Variants in IL2RA observed in about 807,000 individuals in gnomAD.
IL2RA encodes the protein interleukin 2 receptor subunit alpha, also known as interleukin-2 receptor subunit alpha.
A neutral mutation model predicts 37.8 loss-of-function variants in IL2RA; 24 were observed. That is an observed-to-expected ratio of 0.63 (90% CI 0.46 to 0.89). The LOEUF is 0.89. IL2RA is among the 40% of genes least tolerant of loss of function. The pLI, the probability that IL2RA is intolerant of heterozygous loss-of-function variation, is 0.00. For missense variants in IL2RA, 319 were observed against 348.6 expected (o/e 0.92, Z 0.68); for synonymous variants, 125 against 114.6 (o/e 1.09, Z -0.58).
At chr10:6,061,379 C>CA (rs879453616) in intron 1 of IL2RA, among the ~76,000 whole-genome samples, 198 of 131,214 alleles carry the variant, frequency 1.5e-3, no homozygotes, top group African/African-American at 4.1e-3. Context: ...GAGACAGTGT[C>CA]AAAAAAAAAA....
intron 4 of IL2RA, 39 bp from the exon 5 acceptor site, chr10:6,019,980 C>T (rs778748821): frequency 7.7e-6 from 12 of 1,561,206 alleles, no homozygotes; most frequent in Non-Finnish European, 1.1e-5. Flanking sequence ...GAGCTAAACA[C>T]AGGAGTCAGG....
chr10:6,020,045 G>A lies in IL2RA; in HGVS notation c.584-104C>T. 2.1e-6 allele frequency: 2 copies of A among 947,016 alleles called. No homozygotes were observed. Among genetic ancestry groups the A allele is most frequent in the Non-Finnish European group, 3.4e-6 (2 of 583,744 alleles). 58.7% of individuals were successfully genotyped at this position (947,016 alleles called of 1,614,324 possible). On this transcript the variant is annotated intron_variant, in intron 4 of 7. Transcript: ENST00000379959. This position sits in a 1 kb window ranked among gnomAD's most constrained non-coding sequence, Gnocchi z 5.6. ...AGCCGGCCCCAGACACGCCCGAGGA[G>A]GCAGGAATCCTGGTGTGGGCACTTC...
intron 1 of IL2RA, among the ~76,000 whole-genome samples, chr10:6,037,637 G>A (rs1376502925): frequency 2.0e-5 from 3 of 152,186 alleles, no homozygotes; most frequent in African/African-American, 7.2e-5. Flanking sequence ...GCTCTAACGC[G>A]GTTCATCTTC....
chr10:6,024,405 A>G (rs748276100), intron 2 of IL2RA, 51 bp from the exon 3 acceptor site: 4 of 1,304,386 alleles, frequency 3.1e-6, no homozygotes, highest in South Asian at 1.2e-5. Flanking sequence ...TGCTTCATAG[A>G]AAACACTGTT....
chr10:6,032,610 G>A (rs1390814410), intron 1 of IL2RA, among the ~76,000 whole-genome samples: 7 of 151,530 alleles, frequency 4.6e-5, no homozygotes, highest in African/African-American at 1.5e-4. Context: ...GGAGAATGGC[G>A]TGAACTTGGG....
chr10:6,061,121 G>A (rs1840115505), intron 1 of IL2RA, among the ~76,000 whole-genome samples: 1 of 152,162 alleles, frequency 6.6e-6, no homozygotes, highest in Non-Finnish European at 1.5e-5. Context: ...AGGCACGGTG[G>A]TTCATGCCTG....
At chr10:6,051,522 T>C (rs909235410) in intron 1 of IL2RA, among the ~76,000 whole-genome samples, 1 of 138,426 alleles carries the variant, frequency 7.2e-6, no homozygotes, top group Non-Finnish European at 1.6e-5. Flanking sequence ...TATATATTTT[T>C]TTTCTTTTTT....
chr10:6,050,549 C>T (rs1839934259), intron 1 of IL2RA, among the ~76,000 whole-genome samples: 3 of 152,190 alleles, frequency 2.0e-5, no homozygotes, highest in Non-Finnish European at 2.9e-5. Flanking sequence ...GAGGCTGAGG[C>T]ATGAGAATCT....
chr10:6,025,658 C>CA lies in IL2RA; in HGVS notation c.256+175dup, dbSNP rs35349809. The stretch of plus-strand genomic sequence containing the variant: ...AGGCAACAGAGTGAGAGTCTGTCTC[C>CA]AAAAAAAAAAAAAATTGTGTTTAGT... On this transcript the variant is annotated intron_variant, in intron 2 of 7. Coordinates refer to ENST00000379959, the MANE Select transcript of IL2RA (RefSeq NM_000417.3). This position sits in a 1 kb window ranked among gnomAD's most constrained non-coding sequence, Gnocchi z 4.4. 0.096 allele frequency among the ~76,000 whole-genome samples: 12,633 copies of CA among 131,832 alleles called. 590 individuals carry two copies. The highest frequency in any genetic ancestry group is 0.2 in the East Asian group (908 of 4,610). The allele number at this position is 131,832 out of a possible 152,430, so 86.5% of individuals were successfully genotyped here.
Position 6,021,392 on chromosome 10 carries a change from G to T in IL2RA, c.583+86C>A. ...AGGGTCTTGTCCAAGGACCACTCTT[G>T]TCCAGCAGGAGTGGTCAGGGATTCC... On this transcript the variant is annotated intron_variant, in intron 4 of 7. Coordinates refer to ENST00000379959, the MANE Select transcript of IL2RA (RefSeq NM_000417.3). This position sits in a 1 kb window ranked among gnomAD's most constrained non-coding sequence, Gnocchi z 4.9. The T allele has an allele frequency of 9.0e-7, 1 of 1,114,962 alleles. No individual in the cohort carries two copies. Among genetic ancestry groups the T allele is most frequent in the Non-Finnish European group, 1.4e-6 (1 of 728,290 alleles). The allele number at this position is 1,114,962 out of a possible 1,614,324, so 69.1% of individuals were successfully genotyped here. A position where few individuals can be genotyped will look rare whatever the true frequency, so the allele number is the denominator to read the frequency against.
At position 6,046,492 on chromosome 10, in the gene IL2RA, G is replaced by C. The variant is rs970622202; in HGVS notation, c.64+15596C>G. 8.5e-5 allele frequency among the ~76,000 whole-genome samples: 13 copies of C among 152,188 alleles called. No homozygotes were observed. Among genetic ancestry groups the C allele is most frequent in the African/African-American group, 3.1e-4 (13 of 41,436 alleles). On this transcript the variant is annotated intron_variant, in intron 1 of 7. Transcript: ENST00000379959. This position sits in a 1 kb window ranked among gnomAD's most constrained non-coding sequence, Gnocchi z 4.8. ...GATGGAGTGGACAGCATAGAGCAGA[G>C]AGCTTACGGTTGTAGGTTACGTGGT...
At chr10:6,055,128 A>G (rs1840023912) in intron 1 of IL2RA, among the ~76,000 whole-genome samples, 1 of 152,220 alleles carries the variant, frequency 6.6e-6, no homozygotes, top group South Asian at 2.1e-4. Context: ...ACCTGTTTGC[A>G]CCAGAATCTT....
At chr10:6,026,309 G>A (rs745618320) in intron 1 of IL2RA, among the ~76,000 whole-genome samples, 1 of 152,196 alleles carries the variant, frequency 6.6e-6, no homozygotes, top group Non-Finnish European at 1.5e-5. Context: ...TATGCCTCAT[G>A]TCAAGCAAGT....
chr10:6,055,402 T>C (rs954320181), intron 1 of IL2RA, among the ~76,000 whole-genome samples: 1 of 151,828 alleles, frequency 6.6e-6, no homozygotes, highest in African/African-American at 2.4e-5. Flanking sequence ...ATTCATCTTA[T>C]GAGTCTTGGC....
chr10:6,024,190 G>T, intron 3 of IL2RA, 54 bp downstream of exon 3: 2 of 1,166,492 alleles, frequency 1.7e-6, no homozygotes, highest in Non-Finnish European at 2.6e-6. Context: ...TCATCTGCCT[G>T]CAGGAGAAGG....
At chr10:6,027,703 T>G (rs1422057556) in intron 1 of IL2RA, among the ~76,000 whole-genome samples, 1 of 152,178 alleles carries the variant, frequency 6.6e-6, no homozygotes, top group African/African-American at 2.4e-5. Flanking sequence ...GGTAGTTCTG[T>G]TCCTTTCCTT....
rs1327476174 is a variant in IL2RA, at chr10:6,015,245, A to C, written c.795-2349T>G. ...GTAGCTAAGATTATAGGTGCGCACCATGACAGCCAGCTAATTTTTGTATTT... is the reference window on the plus strand; with the variant it reads ...GTAGCTAAGATTATAGGTGCGCACCCTGACAGCCAGCTAATTTTTGTATTT... On this transcript the variant is annotated intron_variant, in intron 7 of 7. Coordinates refer to ENST00000379959, the MANE Select transcript of IL2RA (RefSeq NM_000417.3). This position sits in a 1 kb window ranked among gnomAD's most constrained non-coding sequence, Gnocchi z 4.9. Among the ~76,000 whole-genome samples, 2 of 152,022 alleles carry C rather than the reference A, an allele frequency of 1.3e-5. No homozygotes were observed. Among genetic ancestry groups the C allele is most frequent in the Non-Finnish European group, 2.9e-5 (2 of 67,994 alleles).
Position 6,011,369 on chromosome 10 carries a change from A to G in IL2RA, c.*1503T>C, listed in dbSNP as rs1474118992. On this transcript the variant is annotated 3_prime_UTR_variant, in exon 8 of 8. Transcript: ENST00000379959. This position sits in a 1 kb window ranked among gnomAD's most constrained non-coding sequence, Gnocchi z 5.2. ...TCTCAAAGTGTGTTCCTGGAATAGT[A>G]GCAGCAGCAACAGCACCTGGGAATT... 1.3e-5 allele frequency: 2 copies of G among 152,330 alleles called. No homozygotes were observed. Among genetic ancestry groups the G allele is most frequent in the Non-Finnish European group, 1.5e-5 (1 of 68,052 alleles). 9.4% of individuals were successfully genotyped at this position (152,330 alleles called of 1,614,324 possible).
intron 1 of IL2RA, among the ~76,000 whole-genome samples, chr10:6,041,633 A>G (rs1448391184): frequency 2.6e-5 from 4 of 152,238 alleles, no homozygotes; most frequent in Non-Finnish European, 4.4e-5. Context: ...GCTTGCTTGT[A>G]AAAGACAGAG....
Sources: gnomAD v4.1 joint callset for allele counts (sites outside exome capture counted in the v4.1 genomes callset) on GRCh38, gnomAD v4.1.1 for gene constraint, Gnocchi (gnomAD v3.1) non-coding constraint, MANE v1.5 for transcripts, NCBI Gene and HGNC (gene_info 2026-07-23, HGNC 2026-07-21) for gene names.